MUC22: variants seen among roughly 807,000 people sequenced by gnomAD.
The protein encoded by MUC22 is mucin-22.
In MUC22, 24 loss-of-function variants were observed where a neutral mutation model predicts 40.3. That is an observed-to-expected ratio of 0.60 (90% CI 0.43 to 0.84). The LOEUF is 0.84. MUC22 is among the 40% of genes least tolerant of loss of function. The probability of loss-of-function intolerance (pLI) is 0.00; values close to 1 mark genes in which losing one functional copy is unlikely to be tolerated. For missense variants in MUC22, 1,926 were observed against 2,130.7 expected (o/e 0.90, Z 1.89); for synonymous variants, 765 against 844.5 (o/e 0.91, Z 1.63).
exon 4 of MUC22, chr6:31,034,967 G>A (rs1482451342): frequency 4.6e-6 from 7 of 1,524,254 alleles, no homozygotes; most frequent in Non-Finnish European, 6.1e-6. Context: ...CACAGAGGGA[G>A]CCACCAAGGA....
Position 31,032,125 on chromosome 6 carries a change from G to C in MUC22, c.4670-71G>C, listed in dbSNP as rs4713422. The C allele has an allele frequency of 0.38, 554,930 of 1,463,984 alleles. 109,513 individuals are homozygous for C. Among genetic ancestry groups the C allele is most frequent in the East Asian group, 0.64 (26,046 of 40,402 alleles). The allele number at this position is 1,463,984 out of a possible 1,614,324, so 90.7% of individuals were successfully genotyped here. A position where few individuals can be genotyped will look rare whatever the true frequency, so the allele number is the denominator to read the frequency against. On this transcript the variant is annotated intron_variant, in intron 2 of 3. Transcript: ENST00000561890. The surrounding 1 kb of genome is among the most constrained non-coding windows in gnomAD (Gnocchi z 4.1). ...GGTTTGTTAGATTCACCCTCCTCTGGTCTAAGCACCCCCATTCCCCTTTAA... is the reference window on the plus strand; with the variant it reads ...GGTTTGTTAGATTCACCCTCCTCTGCTCTAAGCACCCCCATTCCCCTTTAA...
At position 31,027,145 on chromosome 6, in the gene MUC22, A is replaced by G. The variant is rs545919692; in HGVS notation, c.1714A>G (p.Ser572Gly). The G allele has an allele frequency of 9.7e-4, 1,446 of 1,484,536 alleles. 135 individuals are homozygous for G. The highest frequency in any genetic ancestry group is 7.5e-3 in the East Asian group (280 of 37,558). 92.0% of individuals were successfully genotyped at this position (1,484,536 alleles called of 1,614,324 possible). A position where few individuals can be genotyped will look rare whatever the true frequency, so the allele number is the denominator to read the frequency against. ...TGAGACCACCAAGGTCTCCACTGCA[A>G]GCTCTGAGGTGACCACAGTCTTTGC... Residue 572 changes from serine to glycine, a missense_variant, in exon 2 of 4, where the codon AGC (serine) becomes GGC (glycine). This residue lies in a region of MUC22 where 1,281 missense variants were observed against 1,337.8 expected (regional missense o/e 0.96). Transcript: ENST00000561890.
chr6:31,034,510 GAGAGAC>G (rs771587953), intron 3 of MUC22, among the ~76,000 whole-genome samples, 156 bp from the exon 4 acceptor site: 1 of 152,216 alleles, frequency 6.6e-6, no homozygotes, highest in Non-Finnish European at 1.5e-5. Flanking sequence ...CAAGGAAAAA[GAGAGAC>G]AGAGACAGAG....
chr6:31,027,728 C>T (rs1173375839), exon 2 of MUC22: 21 of 1,530,658 alleles, frequency 1.4e-5, no homozygotes, highest in Non-Finnish European at 1.7e-5. Flanking sequence ...TCTGAGACCA[C>T]TGCAGTCTCT....
At chr6:31,030,002 G>C in exon 2 of MUC22, 1 of 1,535,686 alleles carries the variant, frequency 6.5e-7, no homozygotes, top group Non-Finnish European at 8.7e-7. Context: ...ACAGCTTCTG[G>C]GGCCACTGCA....
rs994334704 is a variant in MUC22 at position 31,028,252 on chromosome 6, G to A, written c.2821G>A (p.Gly941Ser). ...CTCTGAGACCACAGTCTCTACTGAAGGCTCTGGGACCACTACAGTCTCCAT... is the reference window on the plus strand; with the variant it reads ...CTCTGAGACCACAGTCTCTACTGAAAGCTCTGGGACCACTACAGTCTCCAT... The change falls in exon 2 of 4, where the codon GGC (glycine) becomes AGC (serine). Residue 941 changes from glycine (G) to serine (S), a missense_variant. Gly to Ser is a moderately conservative substitution (Grantham distance 56). This residue lies in a region of MUC22 where 1,281 missense variants were observed against 1,337.8 expected (regional missense o/e 0.96). Coordinates refer to ENST00000561890, the Ensembl canonical transcript of MUC22. The A allele has an allele frequency of 3.9e-6, 6 of 1,534,478 alleles. No individual in the cohort carries two copies. In the Admixed American group the frequency reaches 1.2e-4, roughly 30 times the overall value.
upstream of MUC22, among the ~76,000 whole-genome samples, chr6:31,007,822 C>T (rs1763608786): frequency 1.3e-5 from 2 of 152,186 alleles, no homozygotes; most frequent in Non-Finnish European, 2.9e-5. This position sits in a 1 kb window ranked among gnomAD's most constrained non-coding sequence, Gnocchi z 4.0. Flanking sequence ...CCTTCCTAGT[C>T]ATCAGAACCC....
At chr6:31,007,578 C>T (rs531893019), upstream of MUC22, among the ~76,000 whole-genome samples, 3 of 152,208 alleles carry the variant, frequency 2.0e-5, no homozygotes, top group South Asian at 2.1e-4. The surrounding 1 kb of genome is among the most constrained non-coding windows in gnomAD (Gnocchi z 4.0). Flanking sequence ...AAATCTAAGC[C>T]GGTACAGGGT....
At chr6:31,022,581 T>C (rs1278744576) in intron 1 of MUC22, among the ~76,000 whole-genome samples, 1 of 151,396 alleles carries the variant, frequency 6.6e-6, no homozygotes, top group Non-Finnish European at 1.5e-5. Context: ...ATTTAAATTT[T>C]AAAAGATAAT....
At chr6:31,025,784 C>A in exon 2 of MUC22, 1 of 1,532,948 alleles carries the variant, frequency 6.5e-7, no homozygotes, top group Non-Finnish European at 8.7e-7. Context: ...TCTGACACAA[C>A]CACAGGCTCC....
At chr6:31,017,194 G>A (rs761615106) in intron 1 of MUC22, among the ~76,000 whole-genome samples, 15 of 152,232 alleles carry the variant, frequency 9.9e-5, no homozygotes, top group East Asian at 1.9e-4. Flanking sequence ...GGCGCACGGC[G>A]TGGGACTGAC....
intron 1 of MUC22, among the ~76,000 whole-genome samples, chr6:31,018,009 G>T (rs1047248460): frequency 2.6e-5 from 4 of 152,224 alleles, no homozygotes; most frequent in Non-Finnish European, 5.9e-5. Flanking sequence ...CCCACCAGAA[G>T]AAACGCCGAA....
At chr6:31,021,825 C>G (rs898615656) in intron 1 of MUC22, among the ~76,000 whole-genome samples, 1 of 152,158 alleles carries the variant, frequency 6.6e-6, no homozygotes, top group Non-Finnish European at 1.5e-5. Flanking sequence ...CTGCCCGAGC[C>G]AGCAGTGGCA....
chr6:31,011,937 G>T lies in MUC22; in HGVS notation c.70+1161G>T, dbSNP rs1471755220. On this transcript the variant is annotated intron_variant, in intron 1 of 3. Coordinates refer to ENST00000561890, the Ensembl canonical transcript of MUC22. The surrounding 1 kb of genome is among the most constrained non-coding windows in gnomAD (Gnocchi z 4.5). ...TAATCCCCTGAGAACTTCCCTGGTAGAAACAAACCGGAGTTCGGCCACTGA... is the reference window on the plus strand; with the variant it reads ...TAATCCCCTGAGAACTTCCCTGGTATAAACAAACCGGAGTTCGGCCACTGA... 6.6e-6 allele frequency among the ~76,000 whole-genome samples: 1 copy of T among 152,186 alleles called. No individual in the cohort carries two copies. Among genetic ancestry groups the T allele is most frequent in the African/African-American group, 2.4e-5 (1 of 41,422 alleles).
Position 31,021,108 on chromosome 6 carries a change from C to T in MUC22, c.71-4394C>T, listed in dbSNP as rs114301303. On this transcript the variant is annotated intron_variant, in intron 1 of 3. Transcript: ENST00000561890. Reference sequence around the variant, plus strand: ...CCGCCCACGGGCTGAGGACTGTGAGCGCATGGCGTAGGACTGGCAGGCAGC... The same window carrying T: ...CCGCCCACGGGCTGAGGACTGTGAGTGCATGGCGTAGGACTGGCAGGCAGC... Among the ~76,000 whole-genome samples, 1,283 of 152,378 alleles carry T rather than the reference C, an allele frequency of 8.4e-3. 18 individuals are homozygous for T. The highest frequency in any genetic ancestry group is 0.029 in the African/African-American group (1,198 of 41,580).
rs1765274530 is a variant in MUC22, at chr6:31,026,030, C to CCA, written c.599_600insCA (p.Ala201MetfsTer48). ...GGCTCTGAGACCACCACCACCTCCA[C>CCA]TGCAAGCTCTGAGGCCACTAAAGTC... On this transcript the variant is annotated frameshift_variant, in exon 2 of 4. Coordinates refer to ENST00000561890, the Ensembl canonical transcript of MUC22. LOFTEE classifies it high-confidence loss of function. The CCA allele has an allele frequency of 6.5e-7, 1 of 1,529,984 alleles. No individual in the cohort carries two copies. 94.8% of individuals were successfully genotyped at this position (1,529,984 alleles called of 1,614,324 possible). A position where few individuals can be genotyped will look rare whatever the true frequency, so the allele number is the denominator to read the frequency against.
intron 1 of MUC22, among the ~76,000 whole-genome samples, chr6:31,016,577 G>A (rs977410836): frequency 2.0e-5 from 3 of 152,210 alleles, no homozygotes; most frequent in Non-Finnish European, 2.9e-5. Context: ...TACATTTCAG[G>A]GTGTAAGCAT....
chr6:31,018,238 A>G (rs9262492), intron 1 of MUC22, among the ~76,000 whole-genome samples: 58,550 of 152,014 alleles, frequency 0.39, 11,485 homozygotes, highest in East Asian at 0.47. Flanking sequence ...TGTTAAAAGG[A>G]AGAGAGGTGT....
chr6:31,029,105 C>T (rs1243181235), exon 2 of MUC22: 1 of 1,534,850 alleles, frequency 6.5e-7, no homozygotes, highest in Non-Finnish European at 8.7e-7. Context: ...GGCTCTGAGA[C>T]CACCACGGCC....
Sources: gnomAD v4.1 joint callset for allele counts (sites outside exome capture counted in the v4.1 genomes callset) on GRCh38, gnomAD v4.1.1 for gene constraint, gnomAD v4.1.1 regional missense constraint, Gnocchi (gnomAD v3.1) non-coding constraint, MANE v1.5 for transcripts, NCBI Gene and HGNC (gene_info 2026-07-23, HGNC 2026-07-21) for gene names.